ANK3: variants seen among roughly 807,000 people sequenced by gnomAD.
ANK3 encodes ankyrin-3.
Under a neutral mutation model 370.9 loss-of-function variants are expected in ANK3, and 57 were observed. The observed-to-expected ratio is 0.15, with a 90% CI of 0.12 to 0.19. The LOEUF is 0.19. Ranked by LOEUF, ANK3 falls within the 10% of genes least tolerant of loss-of-function variation. ANK3 has a pLI of 1.00. For missense variants in ANK3, 4,439 were observed against 5,302.1 expected, an observed-to-expected ratio of 0.84 and a Z score of 5.06; for synonymous variants, 1,929 against 1,946.3, an observed-to-expected ratio of 0.99 and a Z score of 0.23.
chr10:60,379,065 T>C (rs545807637), intron 1 of ANK3, among the ~76,000 whole-genome samples: 1 of 152,112 alleles, frequency 6.6e-6, no homozygotes, highest in African/African-American at 2.4e-5. Flanking sequence ...TGAATAGACA[T>C]TTCTCAAAAG....
chr10:60,043,419 T>C, intron 42 of ANK3: 5 of 984,156 alleles, frequency 5.1e-6, no homozygotes, highest in Non-Finnish European at 6.0e-6. Context: ...CTATTGAAGT[T>C]TCTATTTTTA....
Position 60,088,310 on chromosome 10 carries a change from A to G in ANK3, c.3377T>C (p.Ile1126Thr), listed in dbSNP as rs1490252958. 1.2e-6 allele frequency: 2 copies of G among 1,614,236 alleles called. No homozygotes were observed. Among genetic ancestry groups the G allele is most frequent in the East Asian group, 4.5e-5 (2 of 44,888 alleles). The stretch of plus-strand genomic sequence containing the variant: ...AAAATACTGGGGGAAATCTTTCGTG[A>G]TAATCCTGCAGATACGCTTTTTCCC... ...ELGKKRICRI[I>T]TKDFPQYFAV... The change falls in exon 29 of 44, where the codon ATC becomes ACC. Residue 1126 changes from isoleucine to threonine, a missense_variant. This residue lies in a region of ANK3 where 702 missense variants were observed against 941.5 expected (regional missense o/e 0.75). Transcript: ENST00000280772.
chr10:60,550,858 T>C (rs2077073425), intron 2 of ANK3, among the ~76,000 whole-genome samples: 1 of 152,094 alleles, frequency 6.6e-6, no homozygotes, highest in South Asian at 2.1e-4. Flanking sequence ...CTAGATTTTA[T>C]GCCTTTTTGT....
chr10:60,050,533 C>A (rs542406775), intron 42 of ANK3: 1 of 152,332 alleles, frequency 6.6e-6, no homozygotes, highest in African/African-American at 2.4e-5. Flanking sequence ...AATAGATATT[C>A]TCTTCCTCTT....
At chr10:60,507,356 GA>G (rs1289348845) in intron 2 of ANK3, 3 of 151,796 alleles carry the variant, frequency 2.0e-5, no homozygotes, top group African/African-American at 7.2e-5. Flanking sequence ...AAATCAAAAT[GA>G]AATAGGTTAG....
Position 60,279,527 on chromosome 10 carries a change from C to T in ANK3, c.216+11G>A, listed in dbSNP as rs1178969042. On this transcript the variant is annotated intron_variant, in intron 2 of 43. Transcript: ENST00000280772. ...TTTTAAGTAAAAAATTCAATAATAA[C>T]TCCAGCTAACCTGATTGCAAATGTT... 11 of 1,578,596 alleles carry T rather than the reference C, an allele frequency of 7.0e-6. No individual in the cohort carries two copies. Among genetic ancestry groups the T allele is most frequent in the Non-Finnish European group, 9.4e-6 (11 of 1,165,586 alleles).
At chr10:60,344,555 C>A (rs1594183589) in intron 1 of ANK3, among the ~76,000 whole-genome samples, 1 of 152,080 alleles carries the variant, frequency 6.6e-6, no homozygotes, top group East Asian at 1.9e-4. Flanking sequence ...CGCACACGGG[C>A]CATTATAAAG....
At chr10:60,451,997 C>T (rs767675272) in intron 2 of ANK3, among the ~76,000 whole-genome samples, 4 of 152,178 alleles carry the variant, frequency 2.6e-5, no homozygotes, top group East Asian at 1.9e-4. Context: ...GAGGCGCATT[C>T]GCTCTGTCTC....
At chr10:60,555,403 T>C (rs2077184234) in intron 2 of ANK3, among the ~76,000 whole-genome samples, 1 of 151,984 alleles carries the variant, frequency 6.6e-6, no homozygotes, top group Non-Finnish European at 1.5e-5. Context: ...AGCCCAGGAG[T>C]TGGAGGCTGA....
At chr10:60,541,283 C>A (rs1220739225) in intron 2 of ANK3, among the ~76,000 whole-genome samples, 3 of 151,962 alleles carry the variant, frequency 2.0e-5, no homozygotes, top group African/African-American at 7.2e-5. Context: ...GCGGGATTTT[C>A]ATTTTCTGAT....
chr10:60,554,430 C>A (rs1332263520), intron 2 of ANK3, among the ~76,000 whole-genome samples: 2 of 152,150 alleles, frequency 1.3e-5, no homozygotes, highest in Non-Finnish European at 2.9e-5. Context: ...GCCTATAGTG[C>A]AAAATCCTAG....
chr10:60,618,135 T>C (rs1178196829), intron 1 of ANK3, among the ~76,000 whole-genome samples: 1 of 152,142 alleles, frequency 6.6e-6, no homozygotes, highest in Non-Finnish European at 1.5e-5. Flanking sequence ...ATGCAGCCAG[T>C]ACATGGTGGG....
chr10:60,501,438 C>T (rs1396761930), intron 2 of ANK3, among the ~76,000 whole-genome samples: 1 of 152,172 alleles, frequency 6.6e-6, no homozygotes, highest in Admixed American at 6.5e-5. Context: ...GGTGCAGCGG[C>T]TCACGCCTGT....
chr10:60,118,647 T>C (rs938336301), intron 25 of ANK3, among the ~76,000 whole-genome samples: 2 of 148,344 alleles, frequency 1.3e-5, no homozygotes, highest in Admixed American at 1.4e-4. Flanking sequence ...AAAGTAGTGA[T>C]GTTCCTTTAA....
At chr10:60,623,938 G>A (rs935637896) in intron 1 of ANK3, among the ~76,000 whole-genome samples, 4 of 152,112 alleles carry the variant, frequency 2.6e-5, no homozygotes, top group Non-Finnish European at 4.4e-5. Context: ...GACCAAACAC[G>A]CCTGTGTGAC....
chr10:60,676,714 C>T lies in ANK3; in HGVS notation c.57+56549G>A, dbSNP rs118006244. ...AAGATGCTTAACTATGATGAAAGGA[C>T]GGAAGCAAAGTGATTCCTTATTCAT... On this transcript the variant is annotated intron_variant, in intron 1 of 43. Coordinates refer to the ANK3 transcript ENST00000373827. Among the ~76,000 whole-genome samples the T allele has an allele frequency of 5.9e-4, 90 of 152,170 alleles. 1 individual carries two copies. In the East Asian group the frequency reaches 0.013, roughly 22 times the overall value.
At chr10:60,146,039 A>G in intron 23 of ANK3, 2 of 1,492,804 alleles carry the variant, frequency 1.3e-6, no homozygotes, top group Non-Finnish European at 1.8e-6. Flanking sequence ...AAAAATGAAT[A>G]AAATTAACAA....
chr10:60,199,661 G>A (rs745639600), intron 13 of ANK3, among the ~76,000 whole-genome samples: 10 of 151,560 alleles, frequency 6.6e-5, no homozygotes, highest in East Asian at 1.9e-4. Flanking sequence ...GGTGAAATAC[G>A]AGGCCAATTC....
rs200943247 is a variant in ANK3, at chr10:60,200,247, G to A, written c.1393-20C>T. On this transcript the variant is annotated intron_variant, in intron 12 of 43. Transcript: ENST00000280772. ...TCCTCTCTGGGGAACATGAGCCAAA[G>A]TAAATTAGCTGCAGCTCTGAAGAAG... 8 of 1,582,958 alleles carry A rather than the reference G, an allele frequency of 5.1e-6. No individual in the cohort carries two copies. The highest frequency in any genetic ancestry group is 6.1e-6 in the Non-Finnish European group (7 of 1,151,720).
Sources: gnomAD v4.1 joint callset for allele counts (sites outside exome capture counted in the v4.1 genomes callset) on GRCh38, gnomAD v4.1.1 for gene constraint, gnomAD v4.1.1 regional missense constraint, MANE v1.5 for transcripts, NCBI Gene and HGNC (gene_info 2026-07-23, HGNC 2026-07-21) for gene names.